TRIM71: variants seen among roughly 807,000 people sequenced by gnomAD.
TRIM71 encodes tripartite motif containing 71.
A neutral mutation model predicts 61.2 loss-of-function variants in TRIM71; 9 were observed. The ratio of observed to expected loss-of-function variants is 0.15; its 90% CI spans 0.09 to 0.26. The LOEUF (loss-of-function observed/expected upper bound fraction) is 0.26. Ranked by LOEUF, TRIM71 falls within the 10% of genes least tolerant of loss-of-function variation. The pLI is 1.00. For missense variants in TRIM71, 998 were observed against 1,238.7 expected (o/e 0.81, Z 2.92); for synonymous variants, 645 against 553.2 (o/e 1.17, Z -2.33).
chr3:32,856,155 C>G (rs1696601777), intron 1 of TRIM71, among the ~76,000 whole-genome samples: 1 of 152,140 alleles, frequency 6.6e-6, no homozygotes, highest in Admixed American at 6.5e-5. Flanking sequence ...GTAGCTGGGA[C>G]TACAGGTGCC....
chr3:32,824,349 T>C (rs1559536360), intron 1 of TRIM71, among the ~76,000 whole-genome samples: 1 of 151,798 alleles, frequency 6.6e-6, no homozygotes, highest in East Asian at 1.9e-4. Context: ...GGCTAATTTT[T>C]TTTCTTTCTT....
intron 2 of TRIM71, among the ~76,000 whole-genome samples, chr3:32,884,512 A>G: frequency 6.7e-6 from 1 of 148,496 alleles, no homozygotes; most frequent in East Asian, 2.0e-4. Flanking sequence ...AGCCTAGGCA[A>G]TGTGACAAGA....
chr3:32,818,613 G>A lies in TRIM71; in HGVS notation c.533G>A (p.Arg178His), dbSNP rs1428669687. Residue 178 changes from arginine to histidine, a missense_variant, in exon 1 of 4, where the codon CGC becomes CAC. Physicochemically the swap from Arg to His is conservative, Grantham distance 29. Coordinates refer to ENST00000383763, the MANE Select transcript of TRIM71 (RefSeq NM_001039111.3). ...PQAPQPPAPS[R>H]SAPGGPAASP... The stretch of plus-strand genomic sequence containing the variant: ...GCGCCGCAGCCGCCCGCGCCTTCCC[G>A]CTCGGCACCCGGCGGCCCTGCCGCT... 1.4e-6 allele frequency: 2 copies of A among 1,403,678 alleles called. No individual in the cohort carries two copies. Among genetic ancestry groups the A allele is most frequent in the Non-Finnish European group, 1.8e-6 (2 of 1,086,642 alleles). 87.0% of individuals were successfully genotyped at this position (1,403,678 alleles called of 1,614,324 possible). A position where few individuals can be genotyped will look rare whatever the true frequency, so the allele number is the denominator to read the frequency against.
At chr3:32,860,092 T>C (rs1298561176) in intron 1 of TRIM71, among the ~76,000 whole-genome samples, 2 of 140,344 alleles carry the variant, frequency 1.4e-5, no homozygotes, top group Non-Finnish European at 3.1e-5. Context: ...TGTTCTCTCC[T>C]CCCCTCTTCT....
chr3:32,825,575 T>C (rs1471186467), intron 1 of TRIM71, among the ~76,000 whole-genome samples: 1 of 152,220 alleles, frequency 6.6e-6, no homozygotes, highest in Non-Finnish European at 1.5e-5. Context: ...TTCTATACTA[T>C]GCAGGCAGTT....
At chr3:32,872,026 C>T (rs1313998298) in intron 1 of TRIM71, among the ~76,000 whole-genome samples, 1 of 152,102 alleles carries the variant, frequency 6.6e-6, no homozygotes, top group East Asian at 1.9e-4. Flanking sequence ...CACCTTTAGT[C>T]CCAGCTACTC....
At chr3:32,823,962 C>G (rs1282309525) in intron 1 of TRIM71, among the ~76,000 whole-genome samples, 1 of 151,678 alleles carries the variant, frequency 6.6e-6, no homozygotes, top group East Asian at 1.9e-4. Flanking sequence ...GTAGTCCCAG[C>G]TACCCAGGAG....
chr3:32,889,611 C>T (rs1301025068), intron 3 of TRIM71, among the ~76,000 whole-genome samples: 7 of 134,068 alleles, frequency 5.2e-5, no homozygotes, highest in South Asian at 2.4e-4. Context: ...TATTTTGAGA[C>T]GGAGTCTCGC....
chr3:32,846,382 C>G (rs1696475076), intron 1 of TRIM71, among the ~76,000 whole-genome samples: 1 of 152,078 alleles, frequency 6.6e-6, no homozygotes, highest in East Asian at 1.9e-4. Flanking sequence ...GCCACCACTT[C>G]TTATTTTTAA....
intron 1 of TRIM71, among the ~76,000 whole-genome samples, chr3:32,856,302 C>G (rs536553603): frequency 6.6e-5 from 10 of 152,280 alleles, no homozygotes; most frequent in African/African-American, 2.4e-4. Context: ...CAGGCGTGAG[C>G]CACCGCACCT....
At chr3:32,871,522 T>C (rs143274938) in intron 1 of TRIM71, among the ~76,000 whole-genome samples, 285 of 152,294 alleles carry the variant, frequency 1.9e-3, no homozygotes, top group African/African-American at 5.8e-3. Flanking sequence ...TTCATTCCCA[T>C]GACAAATGGA....
intron 1 of TRIM71, among the ~76,000 whole-genome samples, chr3:32,839,549 G>C (rs1304970526): frequency 6.6e-6 from 1 of 151,842 alleles, no homozygotes; most frequent in African/African-American, 2.4e-5. Context: ...TACCAAGGAG[G>C]AACGTCTGAC....
At chr3:32,860,658 C>G (rs1397321141) in intron 1 of TRIM71, among the ~76,000 whole-genome samples, 2 of 152,134 alleles carry the variant, frequency 1.3e-5, no homozygotes, top group Non-Finnish European at 2.9e-5. Context: ...CAGTAACTGC[C>G]TAGATCACAG....
intron 1 of TRIM71, among the ~76,000 whole-genome samples, chr3:32,864,847 TG>T (rs1173206456): frequency 2.2e-3 from 2 of 890 alleles, no homozygotes; most frequent in African/African-American, 4.4e-3. Flanking sequence ...AATTAAGTGG[TG>T]TGTGTGTGTG....
intron 1 of TRIM71, among the ~76,000 whole-genome samples, chr3:32,860,904 G>A (rs1417317990): frequency 1.3e-5 from 2 of 152,160 alleles, no homozygotes; most frequent in African/African-American, 4.8e-5. Flanking sequence ...GCTGGGCGCG[G>A]TGGCTCATGC....
Position 32,894,450 on chromosome 3 carries a change from C to G in TRIM71, c.*2639C>G, listed in dbSNP as rs2125694542. The G allele has an allele frequency of 6.6e-6, 1 of 152,242 alleles. No homozygotes were observed. The highest frequency in any genetic ancestry group is 2.4e-5 in the African/African-American group (1 of 41,532). The allele number at this position is 152,242 out of a possible 1,614,324, so 9.4% of individuals were successfully genotyped here. A position where few individuals can be genotyped will look rare whatever the true frequency, so the allele number is the denominator to read the frequency against. ...AAATTATCAGGTCTTAATTTACAGA[C>G]TTGTAAATTTGCAGGCTTAGAGCAA... On this transcript the variant is annotated 3_prime_UTR_variant, in exon 4 of 4. Coordinates refer to ENST00000383763, the MANE Select transcript of TRIM71 (RefSeq NM_001039111.3).
At chr3:32,833,592 G>A (rs1696299416) in intron 1 of TRIM71, among the ~76,000 whole-genome samples, 1 of 152,050 alleles carries the variant, frequency 6.6e-6, no homozygotes, top group Admixed American at 6.5e-5. Context: ...AAGAGTGAGA[G>A]GGGGAGGTTG....
intron 1 of TRIM71, among the ~76,000 whole-genome samples, chr3:32,830,899 C>T (rs981098588): frequency 6.6e-6 from 1 of 152,140 alleles, no homozygotes; most frequent in Admixed American, 6.6e-5. Flanking sequence ...CAACCTCTAC[C>T]TCCTGGGTTC....
At chr3:32,834,137 AC>A (rs1464459305) in intron 1 of TRIM71, among the ~76,000 whole-genome samples, 9 of 152,300 alleles carry the variant, frequency 5.9e-5, no homozygotes, top group African/African-American at 2.2e-4. Context: ...GCTCAGAGTT[AC>A]CTCCATGTGT....
Sources: allele counts gnomAD v4.1 joint callset (sites outside exome capture counted in the v4.1 genomes callset), GRCh38; gene constraint gnomAD v4.1.1; transcripts MANE v1.5; gene names NCBI Gene and HGNC (gene_info 2026-07-23, HGNC 2026-07-21).